RYR1: variants seen among roughly 807,000 people sequenced by gnomAD.
The protein encoded by RYR1 is central core disease of muscle.
Under a neutral mutation model 583.5 loss-of-function variants are expected in RYR1, and 342 were observed. That is an observed-to-expected ratio of 0.59 (90% CI 0.54 to 0.64). The LOEUF is 0.64. RYR1 is among the 30% of genes least tolerant of loss of function. The pLI is 0.00. For missense variants in RYR1, 6,032 were observed against 6,917.2 expected (o/e 0.87, Z 4.54); for synonymous variants, 2,791 against 2,822.5 (o/e 0.99, Z 0.35).
intron 71 of RYR1, among the ~76,000 whole-genome samples, chr19:38,526,227 C>G (rs2145715118): frequency 6.6e-6 from 1 of 152,142 alleles, no homozygotes; most frequent in Non-Finnish European, 1.5e-5. Flanking sequence ...CGGGACCCCA[C>G]TTACCCCTTG....
At chr19:38,522,995 C>A in intron 67 of RYR1, 33 bp from the exon 68 acceptor site, 2 of 1,536,426 alleles carry the variant, frequency 1.3e-6, no homozygotes, top group Non-Finnish European at 1.8e-6. Flanking sequence ...GGGATCCCCA[C>A]CCCCTCCCTC....
Position 38,523,233 on chromosome 19 carries a change from A to G in RYR1, c.10364A>G (p.Glu3455Gly). ...CCCCACCAGAACTTCAAGCGCGAGGAGCAGAACTTTGTGGTCCAGAATGAG... is the reference window on the plus strand; with the variant it reads ...CCCCACCAGAACTTCAAGCGCGAGGGGCAGAACTTTGTGGTCCAGAATGAG... ...WSKSHNFKRE[E>G]QNFVVQNEIN... Residue 3455 changes from glutamate (E) to glycine (G), a missense_variant, in exon 69 of 106, where the codon GAG (glutamate) becomes GGG (glycine). This residue lies in a region of RYR1 where 1,493 missense variants were observed against 1,715.5 expected (regional missense o/e 0.87). Coordinates refer to ENST00000359596, the MANE Select transcript of RYR1 (RefSeq NM_000540.3). The G allele has an allele frequency of 6.2e-7, 1 of 1,614,146 alleles. No homozygotes were observed. Among genetic ancestry groups the G allele is most frequent in the Non-Finnish European group, 8.5e-7 (1 of 1,180,032 alleles).
intron 84 of RYR1, among the ~76,000 whole-genome samples, chr19:38,542,970 TAGTTAGGATTGCA>T (rs958124362): frequency 1.3e-5 from 2 of 152,000 alleles, no homozygotes; most frequent in Non-Finnish European, 2.9e-5. Flanking sequence ...GCCTCCCAAG[TAGTTAGGATTGCA>T]GGTGCCCACC....
At chr19:38,485,525 T>A in intron 33 of RYR1, 65 bp from the exon 34 acceptor site, 1 of 1,591,920 alleles carries the variant, frequency 6.3e-7, no homozygotes, top group Non-Finnish European at 8.5e-7. Flanking sequence ...GAGGAAGAGA[T>A]GGTGGCTTGA....
At chr19:38,463,154 C>CCCA (rs1967874482) in intron 20 of RYR1, among the ~76,000 whole-genome samples, 1 of 80,210 alleles carries the variant, frequency 1.2e-5, no homozygotes. Flanking sequence ...CCCCCCCCCC[C>CCCA]CACTTAGCCT....
At chr19:38,536,788 C>T in intron 83 of RYR1, 21 bp downstream of exon 83, 1 of 1,613,644 alleles carries the variant, frequency 6.2e-7, no homozygotes, top group African/African-American at 1.3e-5. Flanking sequence ...CAGCCCACCC[C>T]CGTGCTGTGC....
intron 27 of RYR1, among the ~76,000 whole-genome samples, chr19:38,471,865 G>A (rs1428438623): frequency 1.4e-5 from 2 of 140,620 alleles, no homozygotes; most frequent in Non-Finnish European, 3.0e-5. Flanking sequence ...TTGCACCATT[G>A]CACTCCAGCC....
intron 1 of RYR1, among the ~76,000 whole-genome samples, chr19:38,437,342 C>T (rs573751807): frequency 6.6e-5 from 10 of 152,236 alleles, no homozygotes; most frequent in Admixed American, 2.6e-4. Context: ...TGAGCCACCT[C>T]GCCCAGCCTG....
At chr19:38,506,080 CCTGAGAT>C in intron 54 of RYR1, 134 bp downstream of exon 54, 1 of 1,255,260 alleles carries the variant, frequency 8.0e-7, no homozygotes, top group Admixed American at 2.1e-5. Flanking sequence ...GGTGCAGAAA[CCTGAGAT>C]CTGGGAAAGG....
intron 101 of RYR1, among the ~76,000 whole-genome samples, chr19:38,581,205 G>A (rs151070010): frequency 0.012 from 1,751 of 152,174 alleles, 17 homozygotes; most frequent in Non-Finnish European, 0.015. Flanking sequence ...TGCCTCCCGA[G>A]TAGCTGGGAC....
At chr19:38,564,407 C>A (rs781097887) in intron 90 of RYR1, among the ~76,000 whole-genome samples, 1 of 152,212 alleles carries the variant, frequency 6.6e-6, no homozygotes, top group Non-Finnish European at 1.5e-5. Flanking sequence ...CGCCTGTAAT[C>A]CCAGCTACTC....
rs10714494 is a variant in RYR1, at chr19:38,518,401, TAAAAA to T, written c.10018+728_10018+732del. On this transcript the variant is annotated intron_variant, in intron 66 of 105. Coordinates refer to ENST00000359596, the MANE Select transcript of RYR1 (RefSeq NM_000540.3). The stretch of plus-strand genomic sequence containing the variant: ...ATGGTGAAACCTCGTCTCTATTATT[TAAAAA>T]AAAAAAAAAAAAAAAAAGAAATATT... Among the ~76,000 whole-genome samples the T allele has an allele frequency of 2.6e-5, 3 of 113,808 alleles. No homozygotes were observed. In the South Asian group the frequency reaches 7.9e-4, roughly 30 times the overall value. 74.7% of individuals were successfully genotyped at this position (113,808 alleles called of 152,430 possible).
At position 38,565,392 on chromosome 19, in the gene RYR1, G is replaced by A. The variant is rs565965327; in HGVS notation, c.13058G>A (p.Gly4353Asp). ...AGAAGAGAAA[G>D]ALGLLWGSLF... ...GCCGCTGGCGCGGGGGCGGCGGCGG[G>A]CGCGCTGGGCCTGCTCTGGGGCTCG... Residue 4353 changes from glycine (G) to aspartate (D), a missense_variant, in exon 91 of 106, where the codon GGC (glycine) becomes GAC (aspartate). This residue lies in a region of RYR1 where 753 missense variants were observed against 759.6 expected (regional missense o/e 0.99). Transcript: ENST00000359596. The surrounding 1 kb of genome is among the most constrained non-coding windows in gnomAD (Gnocchi z 4.7). 7 of 1,368,764 alleles carry A rather than the reference G, an allele frequency of 5.1e-6. No homozygotes were observed. Among genetic ancestry groups the A allele is most frequent in the Non-Finnish European group, 6.5e-6 (7 of 1,069,866 alleles). 84.8% of individuals were successfully genotyped at this position (1,368,764 alleles called of 1,614,324 possible).
In RYR1 at chr19:38,502,887, C is replaced by T. The variant is rs1222041246; in HGVS notation, c.7843C>T (p.Arg2615Cys). 10 of 1,610,868 alleles carry T rather than the reference C, an allele frequency of 6.2e-6. No individual in the cohort carries two copies. Among genetic ancestry groups the T allele is most frequent in the South Asian group, 4.4e-5 (4 of 91,064 alleles). The change falls in exon 49 of 106, where the codon CGC becomes TGC. Residue 2615 changes from arginine to cysteine, a missense_variant. Physicochemically the swap from Arg to Cys is radical, Grantham distance 180 (BLOSUM62 -3). Around this residue, in one of 11 missense-constraint regions of RYR1, gnomAD observed 250 missense variants for 162.3 expected, o/e 1.54. Coordinates refer to ENST00000359596, the MANE Select transcript of RYR1 (RefSeq NM_000540.3). ...DCLMSLCRYI[R>C]PSMLQHLLRR... ...TTGTGCATTGTCCCGCAGGTACATC[C>T]GCCCGTCGATGCTGCAGCACCTGTT...
chr19:38,587,425 C>T lies in RYR1; in HGVS notation c.*5C>T. The T allele has an allele frequency of 5.6e-6, 9 of 1,610,120 alleles. No individual in the cohort carries two copies. The highest frequency in any genetic ancestry group is 7.6e-6 in the Non-Finnish European group (9 of 1,176,490). ...TATGAGGACCAGCTTAGCTGACACA[C>T]CCCCAGCTGGCCCTCCACCCCCACC... On this transcript the variant is annotated 3_prime_UTR_variant, in exon 106 of 106. Coordinates refer to ENST00000359596, the MANE Select transcript of RYR1 (RefSeq NM_000540.3).
intron 89 of RYR1, among the ~76,000 whole-genome samples, chr19:38,557,081 T>G (rs1216006918): frequency 4.3e-5 from 5 of 115,386 alleles, no homozygotes; most frequent in Admixed American, 1.2e-4. Flanking sequence ...TGTGACAGAG[T>G]CTCATTCTGT....
chr19:38,562,653 C>T (rs1429762888), intron 90 of RYR1, among the ~76,000 whole-genome samples: 1 of 152,150 alleles, frequency 6.6e-6, no homozygotes, highest in Non-Finnish European at 1.5e-5. Flanking sequence ...CTTGGCTCCC[C>T]TTCCCACATT....
chr19:38,507,515 T>C (rs538629084), intron 57 of RYR1, among the ~76,000 whole-genome samples, 197 bp from the exon 58 acceptor site: 1 of 49,106 alleles, frequency 2.0e-5, no homozygotes, highest in Admixed American at 2.5e-4. Context: ...GGGCCGGCCC[T>C]GGGGAACAGA....
chr19:38,498,390 G>A (rs943677570), intron 42 of RYR1, among the ~76,000 whole-genome samples: 3 of 152,140 alleles, frequency 2.0e-5, no homozygotes, highest in Admixed American at 2.0e-4. Flanking sequence ...CTCGTGTTGT[G>A]GTCCAGGTGG....
Sources: allele counts gnomAD v4.1 joint callset (sites outside exome capture counted in the v4.1 genomes callset), GRCh38; gene constraint gnomAD v4.1.1; regional missense constraint gnomAD v4.1.1; non-coding constraint Gnocchi (gnomAD v3.1); transcripts MANE v1.5; gene names NCBI Gene and HGNC (gene_info 2026-07-23, HGNC 2026-07-21).